The following TOPAZ1 variants were observed in gnomAD, a reference collection of about 807,000 sequenced individuals.
The protein encoded by TOPAZ1 is protein TOPAZ1.
A neutral mutation model predicts 172.2 loss-of-function variants in TOPAZ1; 66 were observed. That is an observed-to-expected ratio of 0.38 (90% CI 0.31 to 0.47). The LOEUF (loss-of-function observed/expected upper bound fraction) is 0.47, where lower values mean the gene tolerates loss of function less well. TOPAZ1 is among the 20% of genes least tolerant of loss of function. The pLI, the probability that TOPAZ1 is intolerant of heterozygous loss-of-function variation, is 0.99. For missense variants in TOPAZ1, 1,822 were observed against 1,972.4 expected, an observed-to-expected ratio of 0.92 and a Z score of 1.44; for synonymous variants, 681 against 683.9, an observed-to-expected ratio of 1.00 and a Z score of 0.07.
intron 16 of TOPAZ1, among the ~76,000 whole-genome samples, chr3:44,319,000 C>T (rs1700481271): frequency 1.3e-5 from 2 of 151,916 alleles, no homozygotes; most frequent in Admixed American, 1.3e-4. Context: ...CCCCTCCATG[C>T]CCAGGTCTGT....
At chr3:44,249,988 T>TA (rs1196588494) in intron 2 of TOPAZ1, among the ~76,000 whole-genome samples, 2 of 152,196 alleles carry the variant, frequency 1.3e-5, no homozygotes, top group Non-Finnish European at 2.9e-5. Context: ...GCAGCCATTG[T>TA]AGATTCTGGA....
intron 7 of TOPAZ1, among the ~76,000 whole-genome samples, chr3:44,270,417 T>C (rs1199745994): frequency 6.6e-6 from 1 of 152,092 alleles, no homozygotes; most frequent in Non-Finnish European, 1.5e-5. Context: ...TCTTAAAAAA[T>C]GAGACATAAA....
chr3:44,291,671 C>T (rs1208920468), intron 12 of TOPAZ1, among the ~76,000 whole-genome samples: 1 of 141,212 alleles, frequency 7.1e-6, no homozygotes, highest in African/African-American at 2.6e-5. Context: ...TGTACTTACA[C>T]CAAGAAAAAG....
chr3:44,267,390 G>A lies in TOPAZ1; in HGVS notation c.3160+254G>A, dbSNP rs1302206754. On this transcript the variant is annotated intron_variant, in intron 6 of 19. Coordinates refer to ENST00000309765, the MANE Select transcript of TOPAZ1 (RefSeq NM_001145030.2). The stretch of plus-strand genomic sequence containing the variant: ...TGCACTGCAACCTGCACCTTCCCAG[G>A]TTCAAGCGATTCTCCTGCCTCAGTC... 4.7e-5 allele frequency among the ~76,000 whole-genome samples: 7 copies of A among 149,206 alleles called. No individual in the cohort carries two copies. In the Admixed American group the frequency reaches 4.7e-4, roughly 10 times the overall value.
chr3:44,244,647 C>T lies in TOPAZ1; in HGVS notation c.2141C>T (p.Pro714Leu), dbSNP rs765402924. ...TCATCAGAGAGAGAAGCTTACAGTC[C>T]TCTAGAACTTCTGGACAATTTATCT... is the stretch of plus-strand genomic sequence containing the variant. ...AKSSEREAYS[P>L]LELLDNLSGA... is the part of the protein sequence containing the mutation. Residue 714 changes from proline (P) to leucine (L), a missense_variant, in exon 2 of 20, where the codon CCT (proline) becomes CTT (leucine). By Grantham distance (98) the Pro-to-Leu change is moderately conservative. Around this residue, in one of 2 missense-constraint regions of TOPAZ1, gnomAD observed 1,489 missense variants for 1,490.8 expected, o/e 1.00. Transcript: ENST00000309765. 1.3e-6 allele frequency: 2 copies of T among 1,551,250 alleles called. No individual in the cohort carries two copies. Among genetic ancestry groups the T allele is most frequent in the Non-Finnish European group, 1.7e-6 (2 of 1,146,932 alleles).
chr3:44,308,219 C>T lies in TOPAZ1; in HGVS notation c.4141-1606C>T, dbSNP rs563637653. 1.2e-4 allele frequency among the ~76,000 whole-genome samples: 18 copies of T among 152,244 alleles called. No individual in the cohort carries two copies. In the South Asian group the frequency reaches 3.5e-3, roughly 30 times the overall value. On this transcript the variant is annotated intron_variant, in intron 15 of 19. Transcript: ENST00000309765. ...GTTGCAGTGAGCCGAGATTGCACCA[C>T]TGCCCTCCAGCCTGGGTGACAGAAC...
intron 15 of TOPAZ1, 54 bp from the exon 16 acceptor site, chr3:44,309,771 T>C (rs1700377825): frequency 2.1e-5 from 26 of 1,233,954 alleles, no homozygotes; most frequent in Non-Finnish European, 2.8e-5. Flanking sequence ...ATCAGTGGCT[T>C]TGTGTGTTTG....
chr3:44,285,802 C>G (rs1212584357), intron 9 of TOPAZ1, among the ~76,000 whole-genome samples: 1 of 151,702 alleles, frequency 6.6e-6, no homozygotes, highest in Non-Finnish European at 1.5e-5. Flanking sequence ...AACTCTTGAC[C>G]TCAGGTGATC....
rs755135973 is a variant in TOPAZ1 at position 44,244,831 on chromosome 3, G to A, written c.2325G>A (p.Lys775=). The part of the protein sequence containing the change: ...KSYSISPSFT[K]QGNNSKPSNH... ...ATAGTATTTCTCCAAGCTTTACAAA[G>A]CAAGGTAACAATAGCAAACCATCTA... is the stretch of plus-strand genomic sequence containing the variant. The change falls in exon 2 of 20, where the codon AAG becomes AAA. Residue 775 remains lysine (K), a synonymous_variant. Transcript: ENST00000309765. The A allele has an allele frequency of 2.0e-5, 31 of 1,551,614 alleles. No homozygotes were observed. The South Asian group carries it at 3.6e-4, about 18-fold the overall frequency.
At chr3:44,329,663 G>A (rs1195341582) in intron 19 of TOPAZ1, among the ~76,000 whole-genome samples, 1 of 152,110 alleles carries the variant, frequency 6.6e-6, no homozygotes, top group Non-Finnish European at 1.5e-5. Context: ...ATTATTTGTG[G>A]TACACCAAAC....
Position 44,306,517 on chromosome 3 carries a change from G to A in TOPAZ1, c.4140+91G>A, listed in dbSNP as rs1002916224. On this transcript the variant is annotated intron_variant, in intron 15 of 19. Transcript: ENST00000309765. ...TATAAGTTAACCCTGCAAATTAGGA[G>A]TTTGCTAATAATCATTACAATTGAT... 1.3e-5 allele frequency: 9 copies of A among 676,714 alleles called. No individual in the cohort carries two copies. The African/African-American group carries it at 1.6e-4, about 12-fold the overall frequency. 41.9% of individuals were successfully genotyped at this position (676,714 alleles called of 1,614,324 possible).
intron 12 of TOPAZ1, among the ~76,000 whole-genome samples, chr3:44,300,717 C>T (rs1468942512): frequency 6.6e-6 from 1 of 151,990 alleles, no homozygotes; most frequent in Non-Finnish European, 1.5e-5. Flanking sequence ...AGTTTCTCTA[C>T]AAACTAAACA....
intron 8 of TOPAZ1, among the ~76,000 whole-genome samples, chr3:44,276,130 T>C (rs1699951945): frequency 6.6e-6 from 1 of 152,206 alleles, no homozygotes; most frequent in South Asian, 2.1e-4. Flanking sequence ...AGTTTGCAAA[T>C]ATTTTCTTTC....
Position 44,244,785 on chromosome 3 carries a change from C to T in TOPAZ1, c.2279C>T (p.Ser760Leu). The T allele has an allele frequency of 1.3e-6, 2 of 1,551,612 alleles. No homozygotes were observed. Among genetic ancestry groups the T allele is most frequent in the Non-Finnish European group, 8.7e-7 (1 of 1,146,986 alleles). ...ACTCCAGTGCAAGCTAGTTCTGACTCATTCTACAATAAGAAATCCTATAGT... is the reference window on the plus strand; with the variant it reads ...ACTCCAGTGCAAGCTAGTTCTGACTTATTCTACAATAAGAAATCCTATAGT... ...SVTPVQASSD[S>L]FYNKKSYSIS... The change falls in exon 2 of 20, where the codon TCA becomes TTA. Residue 760 changes from serine (S) to leucine (L), a missense_variant. Physicochemically the swap from Ser to Leu is moderately radical, Grantham distance 145 (BLOSUM62 -2). Coordinates refer to ENST00000309765, the MANE Select transcript of TOPAZ1 (RefSeq NM_001145030.2).
intron 9 of TOPAZ1, among the ~76,000 whole-genome samples, chr3:44,284,842 C>A (rs1700060907): frequency 6.6e-6 from 1 of 152,064 alleles, no homozygotes; most frequent in Non-Finnish European, 1.5e-5. Flanking sequence ...ATGACAATTT[C>A]TGTGGTTTAA....
chr3:44,307,758 GT>G lies in TOPAZ1; in HGVS notation c.4140+1333del, dbSNP rs539107570. Among the ~76,000 whole-genome samples the G allele has an allele frequency of 2.4e-3, 371 of 152,202 alleles. 2 individuals carry two copies. Among genetic ancestry groups the G allele is most frequent in the Non-Finnish European group, 4.6e-3 (310 of 68,018 alleles). The stretch of plus-strand genomic sequence containing the variant: ...CCTGTATACCTACAAAATTCACGAA[GT>G]AAAAAGAAAAAAATTTTTAACCTAG... On this transcript the variant is annotated intron_variant, in intron 15 of 19. Coordinates refer to ENST00000309765, the MANE Select transcript of TOPAZ1 (RefSeq NM_001145030.2).
chr3:44,256,751 C>G (rs1699708250), intron 4 of TOPAZ1, among the ~76,000 whole-genome samples: 1 of 151,984 alleles, frequency 6.6e-6, no homozygotes, highest in Non-Finnish European at 1.5e-5. Context: ...AAGTACTAAC[C>G]CTTTACAAAA....
At chr3:44,322,590 C>T (rs998419054) in intron 17 of TOPAZ1, among the ~76,000 whole-genome samples, 2 of 152,116 alleles carry the variant, frequency 1.3e-5, no homozygotes, top group African/African-American at 2.4e-5. Flanking sequence ...AGGTTGGGCG[C>T]GGTGGCTCAT....
chr3:44,286,970 C>T (rs1450276354), intron 9 of TOPAZ1, among the ~76,000 whole-genome samples: 3 of 152,138 alleles, frequency 2.0e-5, no homozygotes, highest in African/African-American at 7.2e-5. Context: ...ATAATGTCAA[C>T]ATGTTGGTGG....
Sources: allele counts gnomAD v4.1 joint callset (sites outside exome capture counted in the v4.1 genomes callset), GRCh38; gene constraint gnomAD v4.1.1; regional missense constraint gnomAD v4.1.1; transcripts MANE v1.5; gene names NCBI Gene and HGNC (gene_info 2026-07-23, HGNC 2026-07-21).